The following SNX8 variants were observed in gnomAD, a reference collection of about 807,000 sequenced individuals.
The protein encoded by SNX8 is sorting nexin-8.
In SNX8, 25 loss-of-function variants were observed where a neutral mutation model predicts 51.6. The observed-to-expected ratio is 0.48, with a 90% confidence interval of 0.35 to 0.68. The LOEUF is 0.68. Among genes scored for constraint, SNX8 ranks in the 30% least tolerant of loss-of-function variants. The pLI is 0.00. For missense variants in SNX8, 695 were observed against 624.0 expected, an observed-to-expected ratio of 1.11 and a Z score of -1.21; for synonymous variants, 324 against 277.0, an observed-to-expected ratio of 1.17 and a Z score of -1.68.
intron 4 of SNX8, 40 bp downstream of exon 4, chr7:2,271,810 C>A: frequency 6.4e-7 from 1 of 1,565,742 alleles, no homozygotes; most frequent in South Asian, 1.2e-5. Flanking sequence ...GGCTCGGGGA[C>A]TCCCCGGGGC....
At chr7:2,305,457 G>C (rs559365033) in intron 1 of SNX8, among the ~76,000 whole-genome samples, 1 of 152,104 alleles carries the variant, frequency 6.6e-6, no homozygotes, top group East Asian at 1.9e-4. Context: ...TCTGCCTCCT[G>C]GGTTCAAGTG....
At chr7:2,272,745 G>A (rs1381399986) in intron 3 of SNX8, among the ~76,000 whole-genome samples, 2 of 152,064 alleles carry the variant, frequency 1.3e-5, no homozygotes, top group Admixed American at 6.6e-5. Flanking sequence ...TTTCATTCGG[G>A]TTAAATATTT....
chr7:2,306,780 T>A (rs901024337), intron 1 of SNX8, among the ~76,000 whole-genome samples: 1 of 152,146 alleles, frequency 6.6e-6, no homozygotes, highest in Non-Finnish European at 1.5e-5. Flanking sequence ...ATCACTTGTA[T>A]AACAAAATTT....
chr7:2,318,535 A>G (rs1584736823), upstream of SNX8, among the ~76,000 whole-genome samples: 1 of 148,136 alleles, frequency 6.8e-6, no homozygotes, highest in Admixed American at 6.8e-5. Context: ...AAAAAAAAAA[A>G]GAAAAAAAAA....
At position 2,263,256 on chromosome 7, in the gene SNX8, G is replaced by C. The variant is rs1795381111; in HGVS notation, c.889C>G (p.Leu297Val). The change falls in exon 7 of 11, where the codon CTG (leucine) becomes GTG (valine). Residue 297 changes from leucine (L) to valine (V), a missense_variant. Leu to Val is a conservative substitution (Grantham distance 32). Coordinates refer to ENST00000222990, the MANE Select transcript of SNX8 (RefSeq NM_013321.4). ...ALKGLSVEFA[L>V]LADKAAQQGK... Reference sequence around the variant, plus strand: ...TGTTGTGCAGCCTTGTCGGCGAGCAGCGCGAATTCCACAGACAGGCCTTTC... The same window carrying C: ...TGTTGTGCAGCCTTGTCGGCGAGCACCGCGAATTCCACAGACAGGCCTTTC... 6.2e-7 allele frequency: 1 copy of C among 1,613,978 alleles called. No homozygotes were observed. Among genetic ancestry groups the C allele is most frequent in the African/African-American group, 1.3e-5 (1 of 75,080 alleles).
intron 7 of SNX8, among the ~76,000 whole-genome samples, chr7:2,261,551 G>C (rs184454700): frequency 1.8e-4 from 27 of 152,356 alleles, no homozygotes; most frequent in Admixed American, 1.7e-3. Context: ...TCACAGCACA[G>C]ACACACAATG....
chr7:2,330,311 T>A (rs1040871043), intron 1 of SNX8, among the ~76,000 whole-genome samples: 2 of 151,414 alleles, frequency 1.3e-5, no homozygotes, highest in Non-Finnish European at 2.9e-5. Context: ...ATAATTTTTG[T>A]ATTTTTAGTA....
chr7:2,345,199 T>C (rs1778997665), intron 1 of SNX8, among the ~76,000 whole-genome samples: 1 of 152,196 alleles, frequency 6.6e-6, no homozygotes, highest in Non-Finnish European at 1.5e-5. Flanking sequence ...ACAACCTACT[T>C]TTATACGAAT....
At chr7:2,343,664 G>C (rs566279520) in intron 1 of SNX8, among the ~76,000 whole-genome samples, 1 of 152,132 alleles carries the variant, frequency 6.6e-6, no homozygotes, top group African/African-American at 2.4e-5. Flanking sequence ...GACAGAGTAA[G>C]ATCCAATCTC....
intron 6 of SNX8, 43 bp from the exon 7 acceptor site, chr7:2,263,405 G>A: frequency 1.3e-6 from 2 of 1,540,034 alleles, no homozygotes; most frequent in Non-Finnish European, 8.8e-7. Context: ...TCAAGGCCTG[G>A]AGCTCACCTG....
chr7:2,302,238 G>C (rs1002764697), intron 1 of SNX8, among the ~76,000 whole-genome samples: 3 of 152,242 alleles, frequency 2.0e-5, no homozygotes, highest in South Asian at 2.1e-4. Flanking sequence ...GAGTGCCTGC[G>C]ATTGCAGGCT....
chr7:2,346,663 G>A (rs1204788951), intron 1 of SNX8, among the ~76,000 whole-genome samples: 20 of 141,992 alleles, frequency 1.4e-4, no homozygotes, highest in African/African-American at 3.3e-4. Flanking sequence ...GGAGAATGGC[G>A]TGAACCTGGG....
intron 1 of SNX8, among the ~76,000 whole-genome samples, chr7:2,347,234 C>A (rs547505183): frequency 6.6e-6 from 1 of 152,154 alleles, no homozygotes; most frequent in East Asian, 1.9e-4. Context: ...GTAATCCCAG[C>A]ACTTTGGGAG....
At chr7:2,257,594 C>T in intron 8 of SNX8, 80 bp from the exon 9 acceptor site, 1 of 1,582,736 alleles carries the variant, frequency 6.3e-7, no homozygotes, top group South Asian at 1.1e-5. Flanking sequence ...GGGAAGCACC[C>T]CCGCCAGACG....
At chr7:2,312,630 C>G (rs1317219646) in intron 1 of SNX8, among the ~76,000 whole-genome samples, 1 of 152,206 alleles carries the variant, frequency 6.6e-6, no homozygotes, top group Non-Finnish European at 1.5e-5. Flanking sequence ...AATCCCTCCC[C>G]TGCTCCCCGC....
chr7:2,299,749 C>T (rs922210278), intron 1 of SNX8, among the ~76,000 whole-genome samples: 4 of 151,976 alleles, frequency 2.6e-5, no homozygotes, highest in African/African-American at 9.7e-5. Flanking sequence ...TTTCTAGGGT[C>T]TCCTGACATG....
chr7:2,292,635 T>C (rs1796177031), intron 1 of SNX8, among the ~76,000 whole-genome samples: 6 of 152,078 alleles, frequency 3.9e-5, no homozygotes, highest in African/African-American at 1.2e-4. Context: ...ATGGTCTCAA[T>C]CTCCTGACCT....
chr7:2,284,102 G>C (rs945292299), intron 1 of SNX8, among the ~76,000 whole-genome samples: 1 of 152,002 alleles, frequency 6.6e-6, no homozygotes, highest in Non-Finnish European at 1.5e-5. Context: ...GCTAATTTTT[G>C]TATTTTTAGT....
At chr7:2,343,022 T>C (rs1778961875) in intron 1 of SNX8, among the ~76,000 whole-genome samples, 2 of 151,900 alleles carry the variant, frequency 1.3e-5, no homozygotes, top group South Asian at 4.2e-4. Flanking sequence ...CTTGAACTCC[T>C]GACCTTAGGT....
Sources: allele counts gnomAD v4.1 joint callset (sites outside exome capture counted in the v4.1 genomes callset), GRCh38; gene constraint gnomAD v4.1.1; transcripts MANE v1.5; gene names NCBI Gene and HGNC (gene_info 2026-07-23, HGNC 2026-07-21).